RALGPS2: variants seen among roughly 807,000 people sequenced by gnomAD.
RALGPS2 encodes Ral GEF with PH domain and SH3 binding motif 2.
Under a neutral mutation model 86.8 loss-of-function variants are expected in RALGPS2, and 43 were observed. The ratio of observed to expected loss-of-function variants is 0.50; its 90% CI spans 0.39 to 0.64. The LOEUF is 0.64. Ranked by LOEUF, RALGPS2 falls within the 30% of genes least tolerant of loss-of-function variation. The pLI is 0.00. For synonymous variants in RALGPS2, 243 were observed against 231.3 expected (o/e 1.05, Z -0.46); for missense variants, 536 against 694.6 (o/e 0.77, Z 2.57).
chr1:178,785,435 A>T, intron 3 of RALGPS2, 122 bp from the exon 4 acceptor site: 1 of 1,066,250 alleles, frequency 9.4e-7, no homozygotes, highest in Non-Finnish European at 1.3e-6. Flanking sequence ...TTTGTTTTCC[A>T]TAAGCCCTTA....
intron 1 of RALGPS2, among the ~76,000 whole-genome samples, chr1:178,729,329 T>C (rs1007195582): frequency 6.6e-6 from 1 of 152,202 alleles, no homozygotes; most frequent in East Asian, 1.9e-4. Flanking sequence ...TAGTTTATTA[T>C]CTGCCTCCCT....
intron 8 of RALGPS2, among the ~76,000 whole-genome samples, chr1:178,855,962 TATA>T (rs1657510095): frequency 6.7e-6 from 1 of 148,492 alleles, no homozygotes; most frequent in African/African-American, 2.4e-5. Flanking sequence ...TAATATCTAA[TATA>T]AGAACAAAAA....
intron 1 of RALGPS2, among the ~76,000 whole-genome samples, chr1:178,741,450 C>T (rs1438126175): frequency 1.3e-5 from 2 of 152,172 alleles, no homozygotes; most frequent in African/African-American, 2.4e-5. Context: ...AGGAGGAGGT[C>T]TCAGTTTGTT....
rs138342697 is a variant in RALGPS2, at chr1:178,786,180, C to T, written c.213+573C>T. Among the ~76,000 whole-genome samples the T allele has an allele frequency of 5.8e-4, 88 of 152,042 alleles. 2 individuals carry two copies. Among genetic ancestry groups the T allele is most frequent in the African/African-American group, 1.8e-3 (76 of 41,512 alleles). On this transcript the variant is annotated intron_variant, in intron 4 of 19. Coordinates refer to ENST00000367635, the MANE Select transcript of RALGPS2 (RefSeq NM_152663.5). ...AGGGTGGTAGAGGTGGAAGAAAATC[C>T]GTGTATAAGTAGACCCATGTGTTGT...
rs1052320082 is a variant in RALGPS2 at position 178,916,575 on chromosome 1, A to G, written c.*216A>G. On this transcript the variant is annotated 3_prime_UTR_variant, in exon 20 of 20. Transcript: ENST00000367635. The stretch of plus-strand genomic sequence containing the variant: ...GTTGCAAAACAAACTGCCATGAACC[A>G]TGCTTCTTATCTCAGAACTGACCTG... 4.5e-5 allele frequency: 24 copies of G among 529,494 alleles called. No individual in the cohort carries two copies. The highest frequency in any genetic ancestry group is 6.9e-5 in the Non-Finnish European group (21 of 304,266). The allele number at this position is 529,494 out of a possible 1,614,324, so 32.8% of individuals were successfully genotyped here. A position where few individuals can be genotyped will look rare whatever the true frequency, so the allele number is the denominator to read the frequency against.
chr1:178,828,403 T>C (rs1019892128), intron 7 of RALGPS2, among the ~76,000 whole-genome samples: 1 of 152,198 alleles, frequency 6.6e-6, no homozygotes, highest in Admixed American at 6.5e-5. Context: ...CATGTTACTG[T>C]ACTGAGTAGG....
At chr1:178,731,600 G>A (rs1650368231) in intron 1 of RALGPS2, among the ~76,000 whole-genome samples, 1 of 152,060 alleles carries the variant, frequency 6.6e-6, no homozygotes, top group African/African-American at 2.4e-5. Context: ...CTAGTTTGAA[G>A]TGGTTGTTGA....
At chr1:178,858,733 A>G (rs1443404966) in intron 8 of RALGPS2, among the ~76,000 whole-genome samples, 1 of 152,206 alleles carries the variant, frequency 6.6e-6, no homozygotes, top group Non-Finnish European at 1.5e-5. Flanking sequence ...CCCAAGGTGT[A>G]TTTATTAAGA....
intron 8 of RALGPS2, chr1:178,853,555 A>G (rs2102297797): frequency 6.9e-7 from 1 of 1,440,084 alleles, no homozygotes; most frequent in Non-Finnish European, 9.2e-7. Context: ...GCAAGAATGG[A>G]TTTGTTTTAC....
chr1:178,794,087 T>G (rs1654080778), intron 4 of RALGPS2, among the ~76,000 whole-genome samples: 1 of 152,088 alleles, frequency 6.6e-6, no homozygotes, highest in Non-Finnish European at 1.5e-5. Flanking sequence ...ATCATGAAGG[T>G]TTGTTTTCTT....
intron 8 of RALGPS2, among the ~76,000 whole-genome samples, chr1:178,859,832 C>G (rs1480665659): frequency 8.7e-5 from 8 of 91,750 alleles, no homozygotes; most frequent in East Asian, 3.4e-4. Flanking sequence ...CCCCCCCCCC[C>G]CAACCGCCCA....
intron 19 of RALGPS2, among the ~76,000 whole-genome samples, chr1:178,915,663 AC>A (rs1178490771): frequency 1.3e-5 from 2 of 152,220 alleles, no homozygotes; most frequent in Non-Finnish European, 2.9e-5. Flanking sequence ...AGAAGCTGAC[AC>A]TTGTAAGGTA....
rs530839869 is a variant in RALGPS2 at position 178,915,853 on chromosome 1, T to C, written c.1723-477T>C. 1.2e-3 allele frequency among the ~76,000 whole-genome samples: 176 copies of C among 152,354 alleles called. 1 individual carries two copies. Among genetic ancestry groups the C allele is most frequent in the Admixed American group, 4.4e-3 (67 of 15,304 alleles). ...AAGGAATTTTGTTTTTCTGTACTTA[T>C]TTTAATCATGATTTTACAAATAAAT... On this transcript the variant is annotated intron_variant, in intron 19 of 19. Coordinates refer to ENST00000367635, the MANE Select transcript of RALGPS2 (RefSeq NM_152663.5).
chr1:178,900,368 G>A (rs1465083439), intron 17 of RALGPS2, among the ~76,000 whole-genome samples: 3 of 151,910 alleles, frequency 2.0e-5, no homozygotes, highest in African/African-American at 7.2e-5. Context: ...AATTAAGGGA[G>A]ACACTTTCCT....
At chr1:178,811,515 A>G (rs12131426) in intron 6 of RALGPS2, 111 bp downstream of exon 6, 455,633 of 778,860 alleles carry the variant, frequency 0.58, 135,226 homozygotes, top group African/African-American at 0.77. Context: ...GAAAAATAAG[A>G]CTCATTGATA....
chr1:178,731,282 T>G (rs1417830549), intron 1 of RALGPS2, among the ~76,000 whole-genome samples: 2 of 114,656 alleles, frequency 1.7e-5, no homozygotes, highest in East Asian at 2.5e-4. Context: ...GTTTTTTTTT[T>G]TTTTTTTTTT....
intron 1 of RALGPS2, chr1:178,747,856 AT>A: frequency 1.7e-6 from 1 of 584,116 alleles, no homozygotes. Context: ...CATAATGTTA[AT>A]AGTTACTAAA....
At chr1:178,727,726 A>G (rs971172673) in intron 1 of RALGPS2, among the ~76,000 whole-genome samples, 7 of 152,160 alleles carry the variant, frequency 4.6e-5, no homozygotes, top group Admixed American at 6.5e-5. Flanking sequence ...AACTTAAAAC[A>G]CTTAAGCTTT....
At chr1:178,818,252 C>T (rs557416579) in intron 6 of RALGPS2, among the ~76,000 whole-genome samples, 3 of 152,148 alleles carry the variant, frequency 2.0e-5, no homozygotes, top group South Asian at 2.1e-4. Context: ...CCCAGCTACT[C>T]GGGAGGCTGA....
Sources: gnomAD v4.1 joint callset for allele counts (sites outside exome capture counted in the v4.1 genomes callset) on GRCh38, gnomAD v4.1.1 for gene constraint, MANE v1.5 for transcripts, NCBI Gene and HGNC (gene_info 2026-07-23, HGNC 2026-07-21) for gene names.